Variants in ROCK1 observed in about 807,000 individuals in gnomAD.
ROCK1 encodes the protein rho-associated protein kinase 1.
A neutral mutation model predicts 196.8 loss-of-function variants in ROCK1; 36 were observed. That is an observed-to-expected ratio of 0.18 (90% CI 0.14 to 0.24). ROCK1 has a LOEUF of 0.24. ROCK1 is among the 10% of genes least tolerant of loss of function. The probability of loss-of-function intolerance (pLI) is 1.00; values close to 1 mark genes in which losing one functional copy is unlikely to be tolerated. For missense variants in ROCK1, 920 were observed against 1,562.0 expected, an observed-to-expected ratio of 0.59 and a Z score of 6.93; for synonymous variants, 443 against 515.9, an observed-to-expected ratio of 0.86 and a Z score of 1.91.
intron 4 of ROCK1, among the ~76,000 whole-genome samples, chr18:21,047,192 T>TAACA (rs1008363333): frequency 5.9e-5 from 9 of 152,152 alleles, no homozygotes; most frequent in Admixed American, 5.9e-4. Context: ...GCCCTGAAAG[T>TAACA]AACAATTATG....
At chr18:21,084,673 G>T (rs2036511502) in intron 1 of ROCK1, among the ~76,000 whole-genome samples, 2 of 152,214 alleles carry the variant, frequency 1.3e-5, no homozygotes. Context: ...TGGTGGGAAT[G>T]TAAAACAGTG....
At chr18:21,104,767 T>C (rs1598564989) in intron 1 of ROCK1, among the ~76,000 whole-genome samples, 1 of 152,176 alleles carries the variant, frequency 6.6e-6, no homozygotes, top group East Asian at 1.9e-4. Context: ...CTCCATAAAT[T>C]AGTTCCCAAT....
chr18:20,970,701 T>C (rs1290417644), intron 22 of ROCK1, among the ~76,000 whole-genome samples, 188 bp from the exon 23 acceptor site: 1 of 152,218 alleles, frequency 6.6e-6, no homozygotes, highest in African/African-American at 2.4e-5. Flanking sequence ...GTTGAAAAAT[T>C]ATAAAAGAAC....
intron 13 of ROCK1, among the ~76,000 whole-genome samples, chr18:21,014,694 T>C (rs1488779306): frequency 6.6e-6 from 1 of 152,132 alleles, no homozygotes. Context: ...TATCCAAAGC[T>C]ACCCATGAAA....
intron 1 of ROCK1, among the ~76,000 whole-genome samples, chr18:21,071,753 T>TA (rs1293033069): frequency 5.3e-5 from 8 of 151,994 alleles, no homozygotes; most frequent in Non-Finnish European, 1.0e-4. Flanking sequence ...GTCAAAACAT[T>TA]AAAAAAATAA....
chr18:21,045,184 T>G, intron 5 of ROCK1, 108 bp downstream of exon 5: 3 of 1,031,844 alleles, frequency 2.9e-6, no homozygotes, highest in Non-Finnish European at 4.1e-6. Context: ...GAAAGGTCAC[T>G]TATGTCATAC....
At chr18:20,952,692 T>C (rs1323701722) in intron 32 of ROCK1, among the ~76,000 whole-genome samples, 2 of 151,280 alleles carry the variant, frequency 1.3e-5, no homozygotes, top group Non-Finnish European at 2.9e-5. Context: ...GGAGAATTGC[T>C]TGAACTTGGG....
At chr18:21,093,558 C>A (rs1312071503) in intron 1 of ROCK1, among the ~76,000 whole-genome samples, 4 of 152,112 alleles carry the variant, frequency 2.6e-5, no homozygotes, top group Non-Finnish European at 5.9e-5. Context: ...GCATAATGTA[C>A]ACCTACGGCA....
At chr18:21,004,591 T>C (rs186609760) in intron 16 of ROCK1, among the ~76,000 whole-genome samples, 11 of 152,348 alleles carry the variant, frequency 7.2e-5, no homozygotes, top group Admixed American at 3.3e-4. Context: ...CCACTGTTGA[T>C]AGTACATGGA....
intron 20 of ROCK1, among the ~76,000 whole-genome samples, chr18:20,983,506 T>A (rs993258867): frequency 6.6e-6 from 1 of 151,972 alleles, no homozygotes. Context: ...AATTATTTAC[T>A]GTATAATATG....
At chr18:21,098,945 T>A (rs1476958157) in intron 1 of ROCK1, among the ~76,000 whole-genome samples, 1 of 152,188 alleles carries the variant, frequency 6.6e-6, no homozygotes, top group Non-Finnish European at 1.5e-5. Context: ...CAACATATTG[T>A]TGGTGAGGAC....
At chr18:21,071,286 T>C (rs2036383391) in intron 1 of ROCK1, among the ~76,000 whole-genome samples, 1 of 151,570 alleles carries the variant, frequency 6.6e-6, no homozygotes, top group Admixed American at 6.6e-5. Context: ...TCAAGCCATC[T>C]TCCTGCCTCA....
intron 22 of ROCK1, among the ~76,000 whole-genome samples, chr18:20,973,960 C>T (rs1333053582): frequency 1.3e-5 from 2 of 151,950 alleles, no homozygotes; most frequent in Admixed American, 6.6e-5. Context: ...TTAGTAGAGA[C>T]GGGGTTTCTC....
intron 4 of ROCK1, among the ~76,000 whole-genome samples, chr18:21,048,789 A>G (rs552445187): frequency 6.6e-6 from 1 of 152,216 alleles, no homozygotes; most frequent in South Asian, 2.1e-4. Flanking sequence ...GGCTCAAGCT[A>G]TCCTCCCGCC....
chr18:20,956,101 C>T (rs988758545), intron 29 of ROCK1, among the ~76,000 whole-genome samples: 1 of 151,810 alleles, frequency 6.6e-6, no homozygotes, highest in African/African-American at 2.4e-5. Flanking sequence ...TTGGCGATGA[C>T]ATGATTGTAT....
At chr18:21,078,604 G>A (rs1326331224) in intron 1 of ROCK1, among the ~76,000 whole-genome samples, 1 of 152,098 alleles carries the variant, frequency 6.6e-6, no homozygotes, top group Non-Finnish European at 1.5e-5. Context: ...TCTGAACCCA[G>A]AACAAAAGAC....
chr18:21,090,166 TG>T (rs758361039), intron 1 of ROCK1, among the ~76,000 whole-genome samples: 8 of 152,336 alleles, frequency 5.3e-5, no homozygotes, highest in Non-Finnish European at 1.2e-4. Context: ...ACTGGTTCCT[TG>T]AATTATGCAG....
intron 16 of ROCK1, among the ~76,000 whole-genome samples, chr18:20,998,597 C>CTTT (rs541265477): frequency 0.018 from 1,723 of 97,316 alleles, 124 homozygotes; most frequent in African/African-American, 0.06. Context: ...TTTTACCAAA[C>CTTT]TTTTTTTTTT....
intron 1 of ROCK1, 33 bp from the exon 2 acceptor site, chr18:21,070,646 T>C (rs756611259): frequency 2.1e-6 from 3 of 1,419,540 alleles, no homozygotes; most frequent in Non-Finnish European, 3.0e-6. Flanking sequence ...GTTAGTTTTT[T>C]GGATCACATT....
Sources: gnomAD v4.1 joint callset for allele counts (sites outside exome capture counted in the v4.1 genomes callset) on GRCh38, gnomAD v4.1.1 for gene constraint, MANE v1.5 for transcripts, NCBI Gene and HGNC (gene_info 2026-07-23, HGNC 2026-07-21) for gene names.